Variants in KCND2 observed in about 807,000 individuals in gnomAD.
The protein encoded by KCND2 is A-type voltage-gated potassium channel KCND2.
KCND2 carries 16 observed loss-of-function variants against 54.4 expected under a neutral mutation model. That is an observed-to-expected ratio of 0.29 (90% CI 0.20 to 0.45). The LOEUF is 0.45. Ranked by LOEUF, KCND2 falls within the 20% of genes least tolerant of loss-of-function variation. KCND2 has a pLI of 1.00. For missense variants in KCND2, 486 were observed against 824.2 expected (o/e 0.59, Z 5.02); for synonymous variants, 317 against 310.7 (o/e 1.02, Z -0.21).
At chr7:120,720,967 G>C (rs1339715512) in intron 1 of KCND2, among the ~76,000 whole-genome samples, 1 of 152,144 alleles carries the variant, frequency 6.6e-6, no homozygotes, top group African/African-American at 2.4e-5. Flanking sequence ...AGAGAAGTAA[G>C]AAAGTATGCA....
intron 1 of KCND2, among the ~76,000 whole-genome samples, chr7:120,481,775 T>C (rs1802611241): frequency 6.6e-6 from 1 of 152,206 alleles, no homozygotes; most frequent in Admixed American, 6.5e-5. Context: ...GCTGTAAATT[T>C]TGGTGGTGTC....
intron 1 of KCND2, among the ~76,000 whole-genome samples, chr7:120,397,245 A>C (rs1801168105): frequency 6.6e-6 from 1 of 152,176 alleles, no homozygotes; most frequent in South Asian, 2.1e-4. Context: ...TCATTCATCA[A>C]AATAGAAAAT....
intron 1 of KCND2, among the ~76,000 whole-genome samples, chr7:120,516,644 T>C (rs188561145): frequency 1.3e-4 from 20 of 152,260 alleles, no homozygotes; most frequent in Non-Finnish European, 2.6e-4. Context: ...ACTCTCCAAG[T>C]GCTGAAAGTG....
chr7:120,276,291 C>G (rs1196603158), intron 1 of KCND2, among the ~76,000 whole-genome samples: 1 of 152,034 alleles, frequency 6.6e-6, no homozygotes, highest in Non-Finnish European at 1.5e-5. Context: ...TATATATGCA[C>G]ATATTCATAT....
intron 1 of KCND2, among the ~76,000 whole-genome samples, chr7:120,538,762 G>GCCCATATGGACCCCAT (rs1791942993): frequency 6.6e-6 from 1 of 152,194 alleles, no homozygotes; most frequent in Admixed American, 6.5e-5. Context: ...CCCATGGGCA[G>GCCCATATGGACCCCAT]GAGGCCGATA....
chr7:120,504,250 C>A (rs1171098675), intron 1 of KCND2, among the ~76,000 whole-genome samples: 1 of 151,832 alleles, frequency 6.6e-6, no homozygotes, highest in Admixed American at 6.6e-5. Context: ...TAAAATAATT[C>A]TTTAGTTCAA....
At chr7:120,404,883 C>T (rs1331040426) in intron 1 of KCND2, among the ~76,000 whole-genome samples, 1 of 152,034 alleles carries the variant, frequency 6.6e-6, no homozygotes, top group Non-Finnish European at 1.5e-5. Context: ...ATGGGCATTG[C>T]AGATAAAATC....
At chr7:120,527,921 A>T (rs1791796294) in intron 1 of KCND2, among the ~76,000 whole-genome samples, 1 of 152,168 alleles carries the variant, frequency 6.6e-6, no homozygotes, top group African/African-American at 2.4e-5. Context: ...AGATTTGTAG[A>T]GCAGGGATAT....
chr7:120,336,968 A>G (rs1800160380), intron 1 of KCND2, among the ~76,000 whole-genome samples: 1 of 152,156 alleles, frequency 6.6e-6, no homozygotes, highest in African/African-American at 2.4e-5. Flanking sequence ...TCCACCTGAA[A>G]GGGAAGATTG....
At position 120,691,191 on chromosome 7, in the gene KCND2, T is replaced by C. The variant is rs1042700162; in HGVS notation, c.1116-41712T>C. 2.6e-5 allele frequency among the ~76,000 whole-genome samples: 4 copies of C among 152,282 alleles called. No homozygotes were observed. The East Asian group carries it at 7.7e-4, about 29-fold the overall frequency. On this transcript the variant is annotated intron_variant, in intron 1 of 5. Coordinates refer to ENST00000331113, the MANE Select transcript of KCND2 (RefSeq NM_012281.3). Reference sequence around the variant, plus strand: ...ATGACTGCTTTTACCTACAGCCAGATTGGAAGCCAGTGGAAGGCTTGAAGC... The same window carrying C: ...ATGACTGCTTTTACCTACAGCCAGACTGGAAGCCAGTGGAAGGCTTGAAGC...
chr7:120,611,841 A>G (rs1792959644), intron 1 of KCND2, among the ~76,000 whole-genome samples: 1 of 152,146 alleles, frequency 6.6e-6, no homozygotes, highest in South Asian at 2.1e-4. Flanking sequence ...TACGAAAACC[A>G]CTAACAGATG....
At chr7:120,695,688 G>A (rs145134191) in intron 1 of KCND2, among the ~76,000 whole-genome samples, 84 of 152,212 alleles carry the variant, frequency 5.5e-4, no homozygotes, top group African/African-American at 1.8e-3. Context: ...TGATGACAGC[G>A]GAAATGGAAA....
chr7:120,362,125 T>A (rs1800600727), intron 1 of KCND2, among the ~76,000 whole-genome samples: 1 of 152,120 alleles, frequency 6.6e-6, no homozygotes, highest in Non-Finnish European at 1.5e-5. Context: ...CCTTTCCATA[T>A]GAAATTACAG....
At chr7:120,548,488 C>T (rs1352788946) in intron 1 of KCND2, among the ~76,000 whole-genome samples, 3 of 152,118 alleles carry the variant, frequency 2.0e-5, no homozygotes, top group Non-Finnish European at 4.4e-5. Context: ...GGCCTTCCCT[C>T]CAGCCTGCCA....
At chr7:120,392,451 A>G (rs1403521964) in intron 1 of KCND2, among the ~76,000 whole-genome samples, 2 of 142,536 alleles carry the variant, frequency 1.4e-5, no homozygotes, top group Non-Finnish European at 3.1e-5. Context: ...TTTTTTTTTT[A>G]GTTCTGTGAT....
At chr7:120,399,036 G>C (rs1030611977) in intron 1 of KCND2, among the ~76,000 whole-genome samples, 1 of 151,736 alleles carries the variant, frequency 6.6e-6, no homozygotes, top group Non-Finnish European at 1.5e-5. Flanking sequence ...CTCTTTGCTT[G>C]TACTTCCTCT....
chr7:120,476,858 C>G (rs1279069651), intron 1 of KCND2, among the ~76,000 whole-genome samples: 2 of 152,164 alleles, frequency 1.3e-5, no homozygotes, highest in South Asian at 2.1e-4. Context: ...ATAAGAGGAG[C>G]TGCTGGGTTT....
chr7:120,525,773 C>A (rs1002460681), intron 1 of KCND2, among the ~76,000 whole-genome samples: 23 of 152,148 alleles, frequency 1.5e-4, no homozygotes, highest in Non-Finnish European at 2.9e-5. Flanking sequence ...AAGAAGTAAA[C>A]CTGTAATAAA....
intron 1 of KCND2, among the ~76,000 whole-genome samples, chr7:120,399,284 G>A (rs868304133): frequency 1.3e-5 from 2 of 151,370 alleles, no homozygotes; most frequent in African/African-American, 2.4e-5. Context: ...ACATTATATC[G>A]TCTCCCTGAC....
Sources: gnomAD v4.1 joint callset for allele counts (sites outside exome capture counted in the v4.1 genomes callset) on GRCh38, gnomAD v4.1.1 for gene constraint, MANE v1.5 for transcripts, NCBI Gene and HGNC (gene_info 2026-07-23, HGNC 2026-07-21) for gene names.